FRMD4B: variants seen among roughly 807,000 people sequenced by gnomAD.
FRMD4B encodes the protein FERM domain-containing protein 4B.
In FRMD4B, 74 loss-of-function variants were observed where a neutral mutation model predicts 141.5. The observed-to-expected ratio is 0.52, with a 90% CI of 0.43 to 0.63. The LOEUF is 0.63. FRMD4B is among the 30% of genes least tolerant of loss of function. The pLI, the probability that FRMD4B is intolerant of heterozygous loss-of-function variation, is 0.00. For missense variants in FRMD4B, 1,366 were observed against 1,253.4 expected, an observed-to-expected ratio of 1.09 and a Z score of -1.36; for synonymous variants, 506 against 467.9, an observed-to-expected ratio of 1.08 and a Z score of -1.05.
intron 1 of FRMD4B, among the ~76,000 whole-genome samples, chr3:69,502,449 T>C (rs945148828): frequency 2.0e-5 from 3 of 152,176 alleles, no homozygotes; most frequent in South Asian, 2.1e-4. Flanking sequence ...CCCTATTTAA[T>C]AAATGGTGCT....
intron 1 of FRMD4B, among the ~76,000 whole-genome samples, chr3:69,524,630 T>C (rs964272040): frequency 1.1e-4 from 17 of 152,184 alleles, no homozygotes; most frequent in African/African-American, 3.9e-4. Flanking sequence ...CCCTTCCATA[T>C]TGATGCTCTG....
chr3:69,309,364 C>T (rs1368360499), intron 3 of FRMD4B, among the ~76,000 whole-genome samples: 2 of 145,926 alleles, frequency 1.4e-5, no homozygotes, highest in East Asian at 2.0e-4. Flanking sequence ...TGGTCTTGAA[C>T]TCCTGGCCTC....
chr3:69,348,787 C>G (rs185584786), intron 1 of FRMD4B, among the ~76,000 whole-genome samples: 66 of 152,304 alleles, frequency 4.3e-4, no homozygotes, highest in Non-Finnish European at 7.9e-4. Context: ...TTCAACAGCC[C>G]TTTATGCTAA....
intron 5 of FRMD4B, among the ~76,000 whole-genome samples, chr3:69,250,858 G>A (rs2093460297): frequency 6.6e-6 from 1 of 151,770 alleles, no homozygotes; most frequent in African/African-American, 2.4e-5. Context: ...GAGGCTGAGG[G>A]AGAAGGATCA....
At chr3:69,216,508 T>C (rs978032548) in intron 10 of FRMD4B, among the ~76,000 whole-genome samples, 159 bp from the exon 11 acceptor site, 1 of 148,642 alleles carries the variant, frequency 6.7e-6, no homozygotes, top group Non-Finnish European at 1.5e-5. Flanking sequence ...CTCGGCTCAC[T>C]GCAATCTCTG....
At chr3:69,363,362 G>C (rs953567286) in intron 1 of FRMD4B, among the ~76,000 whole-genome samples, 1 of 150,478 alleles carries the variant, frequency 6.6e-6, no homozygotes, top group Admixed American at 6.6e-5. Flanking sequence ...TGGGATCATA[G>C]GTATGAGCCT....
chr3:69,283,967 A>AAAC (rs1299805110), intron 5 of FRMD4B, among the ~76,000 whole-genome samples: 21 of 113,532 alleles, frequency 1.8e-4, no homozygotes, highest in African/African-American at 2.7e-4. Flanking sequence ...AAACAAAACA[A>AAAC]AACAAAACAA....
intron 1 of FRMD4B, among the ~76,000 whole-genome samples, chr3:69,473,169 T>C (rs183748348): frequency 2.6e-5 from 4 of 152,186 alleles, no homozygotes; most frequent in Non-Finnish European, 5.9e-5. Context: ...CTGACAAGGA[T>C]GGCAGAAGAC....
At chr3:69,517,310 C>T (rs1700778148) in intron 1 of FRMD4B, among the ~76,000 whole-genome samples, 1 of 152,118 alleles carries the variant, frequency 6.6e-6, no homozygotes, top group South Asian at 2.1e-4. Flanking sequence ...TCCACTTTTT[C>T]CTCTGTGATG....
chr3:69,400,241 G>T (rs1351683476), intron 2 of FRMD4B, among the ~76,000 whole-genome samples: 1 of 151,796 alleles, frequency 6.6e-6, no homozygotes, highest in East Asian at 1.9e-4. Context: ...AAAAAAATTA[G>T]TTGGGCATGG....
chr3:69,170,079 G>T lies in FRMD4B; in HGVS notation c.*1782C>A, dbSNP rs1254749865. On this transcript the variant is annotated 3_prime_UTR_variant, in exon 23 of 23. Transcript: ENST00000398540. Reference sequence around the variant, plus strand: ...AAAACTGCCAATTCAAGTAGAATATGCCATCAATAAAAAGATGAACCATGT... The same window carrying T: ...AAAACTGCCAATTCAAGTAGAATATTCCATCAATAAAAAGATGAACCATGT... 1 of 152,228 alleles carries T rather than the reference G, an allele frequency of 6.6e-6. No homozygotes were observed. The highest frequency in any genetic ancestry group is 2.4e-5 in the African/African-American group (1 of 41,532). 9.4% of individuals were successfully genotyped at this position (152,228 alleles called of 1,614,324 possible).
chr3:69,176,522 A>ATTGCTAC lies in FRMD4B; in HGVS notation c.2984+1_2984+2insGTAGCAA. ...TAGGATTTTCGAGCATTGCTTCCTCACCTGCTTGGAGAGGGTAAAGGATTA... is the reference window on the plus strand; with the variant it reads ...TAGGATTTTCGAGCATTGCTTCCTCATTGCTACCCTGCTTGGAGAGGGTAAAGGATTA... On this transcript the variant is annotated splice_donor_variant, in intron 22 of 22. Transcript: ENST00000398540. LOFTEE classifies it high-confidence loss of function. The ATTGCTAC allele has an allele frequency of 1.2e-6, 2 of 1,610,188 alleles. No individual in the cohort carries two copies. The highest frequency in any genetic ancestry group is 1.7e-6 in the Non-Finnish European group (2 of 1,176,808).
Position 69,187,926 on chromosome 3 carries a change from A to C in FRMD4B, c.1772-9T>G. ...AGTGAAGGCATCACTGGCTATAATA[A>C]GTAAATGGGTGAATGAAAAAATAAG... On this transcript the variant is annotated splice_polypyrimidine_tract_variant and intron_variant, in intron 18 of 22. Transcript: ENST00000398540. 6.6e-7 allele frequency: 1 copy of C among 1,513,362 alleles called. No homozygotes were observed. The highest frequency in any genetic ancestry group is 1.4e-5 in the African/African-American group (1 of 72,504). 93.7% of individuals were successfully genotyped at this position (1,513,362 alleles called of 1,614,324 possible).
At chr3:69,229,452 C>T (rs563854913) in intron 7 of FRMD4B, among the ~76,000 whole-genome samples, 2 of 152,292 alleles carry the variant, frequency 1.3e-5, no homozygotes, top group East Asian at 3.9e-4. Context: ...TATAACATCA[C>T]TTTCCTATAA....
rs1002149319 is a variant in FRMD4B at position 69,204,183 on chromosome 3, G to C, written c.877-5409C>G. Among the ~76,000 whole-genome samples, 17 of 152,116 alleles carry C rather than the reference G, an allele frequency of 1.1e-4. 1 individual carries two copies. Among genetic ancestry groups the C allele is most frequent in the Admixed American group, 1.3e-4 (2 of 15,262 alleles). Reference sequence around the variant, plus strand: ...GGAAAGGAGGAATGTGTCCCAGCATGTACAAAAATGCTGAGAAGTATGCAC... The same window carrying C: ...GGAAAGGAGGAATGTGTCCCAGCATCTACAAAAATGCTGAGAAGTATGCAC... On this transcript the variant is annotated intron_variant, in intron 11 of 22. Transcript: ENST00000398540.
In FRMD4B at chr3:69,174,118, C is replaced by G. The variant is rs1009802117; in HGVS notation, c.2985-2137G>C. Among the ~76,000 whole-genome samples, 8 of 141,240 alleles carry G rather than the reference C, an allele frequency of 5.7e-5. No individual in the cohort carries two copies. In the South Asian group the frequency reaches 1.2e-3, roughly 21 times the overall value. The allele number at this position is 141,240 out of a possible 152,430, so 92.7% of individuals were successfully genotyped here. On this transcript the variant is annotated intron_variant, in intron 22 of 22. Transcript: ENST00000398540. Reference sequence around the variant, plus strand: ...TGTCACTGCACTCCAACTTGGGCAACAGAACAAGGCTCCGTCTTGGGAAGA... The same window carrying G: ...TGTCACTGCACTCCAACTTGGGCAAGAGAACAAGGCTCCGTCTTGGGAAGA...
At chr3:69,522,519 G>A (rs79938113) in intron 1 of FRMD4B, among the ~76,000 whole-genome samples, 2,683 of 152,206 alleles carry the variant, frequency 0.018, 75 homozygotes, top group East Asian at 0.12. Context: ...AATGTAATCT[G>A]TGTGCCACCC....
chr3:69,472,465 C>A, intron 1 of FRMD4B: 2 of 432,682 alleles, frequency 4.6e-6, no homozygotes, highest in East Asian at 6.5e-5. Context: ...CCAGCCAGTA[C>A]AACCAGTTGT....
At chr3:69,369,951 A>C (rs1182353266) in intron 1 of FRMD4B, among the ~76,000 whole-genome samples, 1 of 152,200 alleles carries the variant, frequency 6.6e-6, no homozygotes, top group Non-Finnish European at 1.5e-5. Context: ...AATTAGACAT[A>C]ATAAGCAGCT....
Sources: gnomAD v4.1 joint callset for allele counts (sites outside exome capture counted in the v4.1 genomes callset) on GRCh38, gnomAD v4.1.1 for gene constraint, MANE v1.5 for transcripts, NCBI Gene and HGNC (gene_info 2026-07-23, HGNC 2026-07-21) for gene names.